The following RB1 variants were observed in gnomAD, a reference collection of about 807,000 sequenced individuals.
RB1 encodes the protein retinoblastoma-associated protein.
A neutral mutation model predicts 135.4 loss-of-function variants in RB1; 18 were observed. The observed-to-expected ratio is 0.13, with a 90% CI of 0.09 to 0.20. The LOEUF is 0.20. Ranked by LOEUF, RB1 falls within the 10% of genes least tolerant of loss-of-function variation. The pLI is 1.00. For missense variants in RB1, 868 were observed against 1,110.0 expected (o/e 0.78, Z 3.10); for synonymous variants, 365 against 373.2 (o/e 0.98, Z 0.25).
intron 6 of RB1, among the ~76,000 whole-genome samples, chr13:48,357,224 C>T (rs1460108510): frequency 6.6e-6 from 1 of 151,504 alleles, no homozygotes; most frequent in African/African-American, 2.4e-5. Flanking sequence ...GGAACATTTT[C>T]TTATGTTGGA....
At position 48,456,368 on chromosome 13, in the gene RB1, TC is replaced by T; in HGVS notation, c.1960+20del. The T allele has an allele frequency of 6.2e-7, 1 of 1,613,312 alleles. No homozygotes were observed. Among genetic ancestry groups the T allele is most frequent in the Non-Finnish European group, 8.5e-7 (1 of 1,179,516 alleles). On this transcript the variant is annotated intron_variant, in intron 19 of 26. Transcript: ENST00000267163. The stretch of plus-strand genomic sequence containing the variant: ...AAAAAAGGTTAGTAGATGATTATTT[TC>T]AAGAGCATGGACTCTGAAACTAGGC...
intron 3 of RB1, among the ~76,000 whole-genome samples, 175 bp downstream of exon 3, chr13:48,342,889 T>C (rs1050737174): frequency 1.3e-5 from 2 of 152,124 alleles, no homozygotes; most frequent in Non-Finnish European, 2.9e-5. Flanking sequence ...AAAGTGTATT[T>C]ATGCTGTATT....
chr13:48,357,459 A>T (rs1952602876), intron 6 of RB1, among the ~76,000 whole-genome samples: 1 of 151,902 alleles, frequency 6.6e-6, no homozygotes, highest in South Asian at 2.1e-4. Flanking sequence ...TTTTTATTGA[A>T]TTGGATTTAT....
intron 2 of RB1, chr13:48,317,659 C>G: frequency 2.0e-6 from 1 of 511,520 alleles, no homozygotes; most frequent in South Asian, 2.4e-5. Context: ...GGCGGAGACA[C>G]TGCCACTGGT....
Position 48,303,995 on chromosome 13 carries a change from C to T in RB1, c.83C>T (p.Pro28Leu), listed in dbSNP as rs776175164. Residue 28 changes from proline (P) to leucine (L), a missense_variant, in exon 1 of 27, where the codon CCT becomes CTT. Physicochemically the swap from Pro to Leu is moderately conservative, Grantham distance 98 (BLOSUM62 -3). Around this residue, in one of 3 missense-constraint regions of RB1, gnomAD observed 641 missense variants for 791.3 expected, o/e 0.81. Coordinates refer to ENST00000267163, the MANE Select transcript of RB1 (RefSeq NM_000321.3). ...CCCCCGGCACCGCCGCCGCCGCCCC[C>T]TCCTGAGGAGGACCCAGAGCAGGAC... ...AEPPAPPPPP[P>L]PEEDPEQDSG... 4.0e-6 allele frequency: 6 copies of T among 1,497,848 alleles called. No homozygotes were observed. Among genetic ancestry groups the T allele is most frequent in the Middle Eastern group, 2.3e-4 (1 of 4,334 alleles). 92.8% of individuals were successfully genotyped at this position (1,497,848 alleles called of 1,614,324 possible).
chr13:48,352,871 T>A (rs570912132), intron 6 of RB1, among the ~76,000 whole-genome samples: 1 of 152,258 alleles, frequency 6.6e-6, no homozygotes, highest in African/African-American at 2.4e-5. Context: ...ATTCCTCTGA[T>A]TAGGACTTCC....
At chr13:48,471,573 T>TTTAAAA (rs71072103) in intron 23 of RB1, among the ~76,000 whole-genome samples, 24 of 133,994 alleles carry the variant, frequency 1.8e-4, no homozygotes, top group South Asian at 7.3e-4. Context: ...AAAATATAAA[T>TTTAAAA]AAAAAAAAAA....
intron 2 of RB1, among the ~76,000 whole-genome samples, chr13:48,324,429 AT>A (rs759281828): frequency 1.8e-5 from 1 of 55,802 alleles, no homozygotes; most frequent in South Asian, 5.4e-4. Context: ...CATGAGTTCA[AT>A]ATTTTTTTTT....
intron 17 of RB1, among the ~76,000 whole-genome samples, chr13:48,423,469 T>C (rs1344862287): frequency 6.6e-6 from 1 of 152,202 alleles, no homozygotes; most frequent in Non-Finnish European, 1.5e-5. Context: ...GAAACATGTA[T>C]AAGATTAAAT....
chr13:48,456,110 CAAG>C, intron 18 of RB1, 91 bp from the exon 19 acceptor site: 1 of 1,564,004 alleles, frequency 6.4e-7, no homozygotes, highest in South Asian at 1.2e-5. Flanking sequence ...ATTAAATAGA[CAAG>C]ATGTATCTGG....
intron 17 of RB1, among the ~76,000 whole-genome samples, chr13:48,405,219 G>A (rs553167184): frequency 6.6e-6 from 1 of 152,240 alleles, no homozygotes; most frequent in Admixed American, 6.5e-5. Flanking sequence ...CATAAAGAAT[G>A]CCTTCAACAA....
intron 17 of RB1, 68 bp from the exon 18 acceptor site, chr13:48,452,925 G>A (rs1027487658): frequency 9.4e-6 from 15 of 1,597,444 alleles, no homozygotes. Flanking sequence ...CAAACAATAT[G>A]ATTTTGATAT....
At chr13:48,353,512 A>C (rs1431804708) in intron 6 of RB1, among the ~76,000 whole-genome samples, 1 of 152,140 alleles carries the variant, frequency 6.6e-6, no homozygotes, top group Non-Finnish European at 1.5e-5. Context: ...TGTACCAAAC[A>C]TTTAAAGAAG....
In RB1 at chr13:48,378,432, G is replaced by A. The variant is rs139541981; in HGVS notation, c.1333-1162G>A. Among the ~76,000 whole-genome samples the A allele has an allele frequency of 3.3e-5, 5 of 152,118 alleles. No individual in the cohort carries two copies. The East Asian group carries it at 9.6e-4, about 29-fold the overall frequency. ...TTAGCCTAGGCCTACACAGGATCAGGATTAACAATACCACTGTCTTCTGCC... is the reference window on the plus strand; with the variant it reads ...TTAGCCTAGGCCTACACAGGATCAGAATTAACAATACCACTGTCTTCTGCC... On this transcript the variant is annotated intron_variant, in intron 13 of 26. Transcript: ENST00000267163.
intron 2 of RB1, among the ~76,000 whole-genome samples, chr13:48,330,484 T>A (rs1836934368): frequency 6.6e-6 from 1 of 152,150 alleles, no homozygotes; most frequent in Non-Finnish European, 1.5e-5. Flanking sequence ...GGAGACATTA[T>A]GACTGATATC....
chr13:48,479,946 C>T (rs2138364122), intron 26 of RB1, 52 bp from the exon 27 acceptor site: 2 of 1,497,626 alleles, frequency 1.3e-6, no homozygotes, highest in Non-Finnish European at 1.9e-6. Flanking sequence ...AGCCACTTGC[C>T]AACTTACCCA....
At chr13:48,364,336 C>G (rs1952672448) in intron 8 of RB1, among the ~76,000 whole-genome samples, 1 of 152,128 alleles carries the variant, frequency 6.6e-6, no homozygotes, top group South Asian at 2.1e-4. Context: ...CCATAAAATA[C>G]ATACAAAACT....
At chr13:48,339,454 G>A (rs962839889) in intron 2 of RB1, among the ~76,000 whole-genome samples, 8 of 152,212 alleles carry the variant, frequency 5.3e-5, no homozygotes, top group Non-Finnish European at 1.0e-4. Flanking sequence ...GGCTCCGTGG[G>A]TGTGGGACCC....
chr13:48,380,927 G>T (rs978851990), intron 16 of RB1, among the ~76,000 whole-genome samples: 4 of 152,026 alleles, frequency 2.6e-5, no homozygotes, highest in African/African-American at 9.7e-5. Context: ...TCTTACCAAG[G>T]ATTAATGAGA....
Sources: allele counts gnomAD v4.1 joint callset (sites outside exome capture counted in the v4.1 genomes callset), GRCh38; gene constraint gnomAD v4.1.1; regional missense constraint gnomAD v4.1.1; transcripts MANE v1.5; gene names NCBI Gene and HGNC (gene_info 2026-07-23, HGNC 2026-07-21).